The following NOTCH2 variants were observed in gnomAD, a reference collection of about 807,000 sequenced individuals.
The protein encoded by NOTCH2 is neurogenic locus notch homolog protein 2.
NOTCH2 carries 29 observed loss-of-function variants against 235.8 expected under a neutral mutation model. The ratio of observed to expected loss-of-function variants is 0.12; its 90% CI spans 0.09 to 0.17. NOTCH2 has a LOEUF of 0.17. Ranked by LOEUF, NOTCH2 falls within the 10% of genes least tolerant of loss-of-function variation. NOTCH2 has a pLI of 1.00. For missense variants in NOTCH2, 2,285 were observed against 3,150.2 expected (o/e 0.73, Z 6.57); for synonymous variants, 1,086 against 1,141.5 (o/e 0.95, Z 0.98).
chr1:119,953,055 T>C (rs1650542161), intron 14 of NOTCH2, among the ~76,000 whole-genome samples: 1 of 152,162 alleles, frequency 6.6e-6, no homozygotes, highest in Admixed American at 6.5e-5. Flanking sequence ...CTCACGCCTG[T>C]AATCCCAGCA....
At chr1:120,039,357 A>T (rs1654451303) in intron 1 of NOTCH2, among the ~76,000 whole-genome samples, 1 of 151,438 alleles carries the variant, frequency 6.6e-6, no homozygotes, top group Non-Finnish European at 1.5e-5. Flanking sequence ...TATCAAGACA[A>T]ATTTTGCCTG....
chr1:119,963,490 T>C (rs945489485), intron 11 of NOTCH2, 84 bp downstream of exon 11: 45 of 1,231,368 alleles, frequency 3.7e-5, no homozygotes, highest in Non-Finnish European at 4.7e-5. Flanking sequence ...TATCTGAGCA[T>C]ATGCCAACAG....
At chr1:119,961,050 T>C (rs1430276830) in intron 11 of NOTCH2, among the ~76,000 whole-genome samples, 1 of 152,190 alleles carries the variant, frequency 6.6e-6, no homozygotes, top group African/African-American at 2.4e-5. Context: ...GCCTGTCATG[T>C]AAGTTTTCTC....
At chr1:119,937,224 C>T in intron 21 of NOTCH2, 58 bp downstream of exon 21, 2 of 1,550,010 alleles carry the variant, frequency 1.3e-6, no homozygotes, top group Non-Finnish European at 1.8e-6. Context: ...TATCAGTGCT[C>T]AAACAGTTGT....
chr1:119,952,840 T>C (rs587683283), intron 14 of NOTCH2, among the ~76,000 whole-genome samples: 11 of 152,356 alleles, frequency 7.2e-5, no homozygotes, highest in African/African-American at 2.6e-4. Flanking sequence ...GAAAGAGTTC[T>C]GAACATGTGG....
At chr1:119,987,169 T>C (rs1652052730) in intron 4 of NOTCH2, 87 bp from the exon 5 acceptor site, 2 of 1,515,270 alleles carry the variant, frequency 1.3e-6, no homozygotes, top group Non-Finnish European at 1.8e-6. Flanking sequence ...GTTATTAGAA[T>C]AGACCCGCTT....
chr1:119,975,349 A>C (rs913788953), intron 5 of NOTCH2, among the ~76,000 whole-genome samples: 1 of 152,132 alleles, frequency 6.6e-6, no homozygotes, highest in East Asian at 1.9e-4. Context: ...TGAACAAGTA[A>C]GATTATGGGC....
At chr1:119,987,560 A>C (rs1478285116) in intron 4 of NOTCH2, among the ~76,000 whole-genome samples, 1 of 152,122 alleles carries the variant, frequency 6.6e-6, no homozygotes, top group Non-Finnish European at 1.5e-5. Context: ...GGGAGGATAT[A>C]GGAAAAATAT....
intron 5 of NOTCH2, among the ~76,000 whole-genome samples, chr1:119,983,272 G>C (rs1395857875): frequency 6.6e-6 from 1 of 151,012 alleles, no homozygotes; most frequent in Admixed American, 6.6e-5. Flanking sequence ...GGCGTGATTA[G>C]CCTCCCAAGT....
At chr1:120,048,515 C>G (rs1416564252) in intron 1 of NOTCH2, among the ~76,000 whole-genome samples, 20 of 118,736 alleles carry the variant, frequency 1.7e-4, no homozygotes, top group Non-Finnish European at 1.2e-4. Context: ...GTGGCATAAT[C>G]ATGGCTCACT....
chr1:119,931,251 G>A (rs1649649624), intron 22 of NOTCH2, among the ~76,000 whole-genome samples: 1 of 151,398 alleles, frequency 6.6e-6, no homozygotes, highest in South Asian at 2.1e-4. Context: ...AATTACCAAA[G>A]ATAAAATACC....
chr1:120,001,633 G>C (rs1239498691), intron 3 of NOTCH2, among the ~76,000 whole-genome samples: 2 of 152,044 alleles, frequency 1.3e-5, no homozygotes, highest in Non-Finnish European at 2.9e-5. Context: ...GATTATGTTG[G>C]ACTTCTTCCA....
chr1:120,060,417 C>T (rs1168966351), intron 1 of NOTCH2, among the ~76,000 whole-genome samples: 1 of 144,428 alleles, frequency 6.9e-6, no homozygotes, highest in Non-Finnish European at 1.5e-5. Flanking sequence ...TGTGTGTGTG[C>T]ATATATATAT....
chr1:119,959,385 G>A lies in NOTCH2; in HGVS notation c.2026+7C>T. 6.6e-7 allele frequency: 1 copy of A among 1,516,246 alleles called. No homozygotes were observed. Among genetic ancestry groups the A allele is most frequent in the Non-Finnish European group, 9.2e-7 (1 of 1,090,750 alleles). 93.9% of individuals were successfully genotyped at this position (1,516,246 alleles called of 1,614,324 possible). ...AAGGAGGGGCCTTGCAGTAAAAGGA[G>A]CTTTACCTGTGAATCCTGGTGAGCA... On this transcript the variant is annotated splice_region_variant and intron_variant, in intron 12 of 33. Coordinates refer to ENST00000256646, the MANE Select transcript of NOTCH2 (RefSeq NM_024408.4).
chr1:119,983,168 T>C (rs1553201866), intron 5 of NOTCH2, among the ~76,000 whole-genome samples: 1 of 152,170 alleles, frequency 6.6e-6, no homozygotes, highest in East Asian at 1.9e-4. Context: ...TTAAACATTA[T>C]TAAAAAGATA....
At chr1:120,060,567 T>A (rs367885697) in intron 1 of NOTCH2, among the ~76,000 whole-genome samples, 3 of 151,050 alleles carry the variant, frequency 2.0e-5, no homozygotes, top group Non-Finnish European at 4.4e-5. Context: ...ATTTTATTTA[T>A]GCTTTTCTAG....
At position 119,933,428 on chromosome 1, in the gene NOTCH2, AAAT is replaced by A. The variant is rs587642199; in HGVS notation, c.3655+2041_3655+2043del. Among the ~76,000 whole-genome samples, 374 of 152,372 alleles carry A rather than the reference AAAT, an allele frequency of 2.5e-3. 1 individual carries two copies. Among genetic ancestry groups the A allele is most frequent in the African/African-American group, 8.7e-3 (363 of 41,592 alleles). On this transcript the variant is annotated intron_variant, in intron 22 of 33. Coordinates refer to ENST00000256646, the MANE Select transcript of NOTCH2 (RefSeq NM_024408.4). ...CATACCTAAACAAGCACACACAGTA[AAAT>A]AATCCAAGGAACTGTAAGTAGGATA...
intron 2 of NOTCH2, among the ~76,000 whole-genome samples, chr1:120,028,450 T>C (rs1331236679): frequency 2.0e-5 from 3 of 152,040 alleles, no homozygotes; most frequent in Non-Finnish European, 2.9e-5. Context: ...CGTTTTTTTT[T>C]CCCCCAGCTA....
At chr1:120,022,932 G>A (rs1429025079) in intron 2 of NOTCH2, among the ~76,000 whole-genome samples, 2 of 148,300 alleles carry the variant, frequency 1.3e-5, no homozygotes, top group East Asian at 4.0e-4. Context: ...GTTAGCTACA[G>A]AGTGATGGGA....
Sources: allele counts gnomAD v4.1 joint callset (sites outside exome capture counted in the v4.1 genomes callset), GRCh38; gene constraint gnomAD v4.1.1; transcripts MANE v1.5; gene names NCBI Gene and HGNC (gene_info 2026-07-23, HGNC 2026-07-21).